ACACA: variants seen among roughly 807,000 people sequenced by gnomAD.
ACACA encodes the protein acetyl-CoA carboxylase alpha.
ACACA carries 103 observed loss-of-function variants against 296.1 expected under a neutral mutation model. The ratio of observed to expected loss-of-function variants is 0.35; its 90% CI spans 0.30 to 0.41. The LOEUF is 0.41. ACACA is among the 10% of genes least tolerant of loss of function. ACACA has a pLI of 1.00. For synonymous variants in ACACA, 953 were observed against 1,038.6 expected (o/e 0.92, Z 1.58); for missense variants, 1,554 against 2,989.7 (o/e 0.52, Z 11.20).
At position 37,239,679 on chromosome 17, in the gene ACACA, TTGAC is replaced by T. The variant is rs148260288; in HGVS notation, c.3121+793_3121+796del. Among the ~76,000 whole-genome samples, 1,479 of 152,302 alleles carry T rather than the reference TTGAC, an allele frequency of 9.7e-3. 20 individuals carry two copies. Among genetic ancestry groups the T allele is most frequent in the African/African-American group, 0.034 (1,407 of 41,564 alleles). On this transcript the variant is annotated intron_variant, in intron 24 of 55. Transcript: ENST00000616317. The stretch of plus-strand genomic sequence containing the variant: ...TCTATTTCATGATAAATTATATTAA[TTGAC>T]TTTCTCCAAACTGATCAACCTTGAA...
intron 25 of ACACA, among the ~76,000 whole-genome samples, chr17:37,231,523 T>A (rs2079859145): frequency 6.6e-6 from 1 of 152,230 alleles, no homozygotes; most frequent in Non-Finnish European, 1.5e-5. Flanking sequence ...AAGACTTTTC[T>A]TCTTTATTTA....
intron 41 of ACACA, among the ~76,000 whole-genome samples, chr17:37,164,280 G>C (rs925526925): frequency 5.3e-5 from 8 of 152,136 alleles, no homozygotes; most frequent in Non-Finnish European, 1.0e-4. Context: ...AAAGCCACAT[G>C]CATCACCCAG....
At chr17:37,089,397 C>T (rs1291137068) in intron 54 of ACACA, among the ~76,000 whole-genome samples, 1 of 152,196 alleles carries the variant, frequency 6.6e-6, no homozygotes, top group Non-Finnish European at 1.5e-5. Context: ...AATTCAATAA[C>T]CTGACAGGTT....
chr17:37,226,329 A>G lies in ACACA; in HGVS notation c.3360+10T>C, dbSNP rs1314218283. ...ATCCCTCCTTTAAGAAAACCAACAA[A>G]TGTCCTTACCTGGCGTGCTCGAAGT... On this transcript the variant is annotated intron_variant, in intron 26 of 55. Transcript: ENST00000616317. The G allele has an allele frequency of 1.2e-6, 2 of 1,607,018 alleles. No homozygotes were observed. The highest frequency in any genetic ancestry group is 1.7e-6 in the Non-Finnish European group (2 of 1,173,682).
intron 52 of ACACA, among the ~76,000 whole-genome samples, chr17:37,099,469 AT>A (rs2073192226): frequency 2.3e-5 from 3 of 130,226 alleles, no homozygotes; most frequent in Admixed American, 7.7e-5. Flanking sequence ...GGGCTGAGGG[AT>A]GGAGGGCTGA....
intron 1 of ACACA, among the ~76,000 whole-genome samples, chr17:37,384,795 T>C (rs1404118334): frequency 6.6e-6 from 1 of 152,224 alleles, no homozygotes; most frequent in African/African-American, 2.4e-5. Context: ...TCTTCCCCTA[T>C]GATTTCATGT....
intron 10 of ACACA, among the ~76,000 whole-genome samples, chr17:37,264,361 T>C (rs926317600): frequency 5.9e-5 from 9 of 152,218 alleles, no homozygotes; most frequent in African/African-American, 1.2e-4. Flanking sequence ...AATTCTAAAA[T>C]GGTAACTATT....
chr17:37,337,617 C>T (rs985403624), intron 2 of ACACA, among the ~76,000 whole-genome samples: 1 of 151,874 alleles, frequency 6.6e-6, no homozygotes, highest in Non-Finnish European at 1.5e-5. Context: ...CTATGCCTGG[C>T]TACTTTTTGT....
At chr17:37,391,918 T>C (rs1033852043) in intron 1 of ACACA, 1 of 592,936 alleles carries the variant, frequency 1.7e-6, no homozygotes, top group African/African-American at 1.8e-5. Context: ...CACAACCTTC[T>C]GTAATTCACT....
chr17:37,267,648 A>T (rs1208386784), intron 10 of ACACA, among the ~76,000 whole-genome samples: 1 of 151,172 alleles, frequency 6.6e-6, no homozygotes, highest in Non-Finnish European at 1.5e-5. Flanking sequence ...GCAGCCTCAA[A>T]CTCCTGGGCT....
chr17:37,198,789 A>G (rs1598148547), intron 35 of ACACA, among the ~76,000 whole-genome samples: 2 of 152,246 alleles, frequency 1.3e-5, no homozygotes, highest in African/African-American at 2.4e-5. Flanking sequence ...GAAGGAAAAC[A>G]AAATGTCAAG....
intron 51 of ACACA, 31 bp from the exon 52 acceptor site, chr17:37,111,674 G>C: frequency 6.6e-7 from 1 of 1,515,730 alleles, no homozygotes; most frequent in Non-Finnish European, 9.2e-7. Flanking sequence ...AAACAAAACA[G>C]AAATAGAGGC....
intron 52 of ACACA, among the ~76,000 whole-genome samples, chr17:37,099,163 T>C (rs1044774834): frequency 6.6e-6 from 1 of 152,216 alleles, no homozygotes; most frequent in African/African-American, 2.4e-5. Context: ...CTTGGGCTGC[T>C]GACTGAGCCG....
At chr17:37,375,313 T>A (rs1017500082) in intron 1 of ACACA, among the ~76,000 whole-genome samples, 1 of 152,014 alleles carries the variant, frequency 6.6e-6, no homozygotes, top group African/African-American at 2.4e-5. Flanking sequence ...GGTGAAACGC[T>A]GTCTCTACTA....
intron 3 of ACACA, among the ~76,000 whole-genome samples, chr17:37,297,064 T>C (rs2083374451): frequency 6.6e-6 from 1 of 151,984 alleles, no homozygotes; most frequent in Non-Finnish European, 1.5e-5. Flanking sequence ...TATATATCAA[T>C]ATATACTTAT....
intron 35 of ACACA, among the ~76,000 whole-genome samples, chr17:37,196,903 T>C (rs2145190720): frequency 6.6e-6 from 1 of 152,334 alleles, no homozygotes; most frequent in African/African-American, 2.4e-5. Context: ...TATTTTTTCT[T>C]AACAAGTAGA....
At chr17:37,094,572 A>AC (rs67691656) in intron 54 of ACACA, among the ~76,000 whole-genome samples, 2,593 of 114,230 alleles carry the variant, frequency 0.023, 125 homozygotes, top group East Asian at 0.043. Context: ...TTGAAGAACC[A>AC]CCCCCCCCCC....
rs745671037 is a variant in ACACA at position 37,155,776 on chromosome 17, T to C, written c.5354A>G (p.Tyr1785Cys). ...TTGAGGAGTCAGATATAAATACCTG[T>C]ATCCCTGTGAAGCACAAATAGTTTT... ...WVDPEDPYKG[Y>C]RYLYLTPQDY... Residue 1785 changes from tyrosine (Y) to cysteine (C), a missense_variant, in exon 43 of 56, where the codon TAC (tyrosine) becomes TGC (cysteine). This residue lies in a region of ACACA where 553 missense variants were observed against 1,043.6 expected (regional missense o/e 0.53). Coordinates refer to ENST00000616317, the MANE Select transcript of ACACA (RefSeq NM_198834.3). The C allele has an allele frequency of 8.8e-6, 14 of 1,595,824 alleles. No homozygotes were observed. The South Asian group carries it at 1.5e-4, about 18-fold the overall frequency.
At chr17:37,208,748 A>C (rs1207044797) in intron 30 of ACACA, among the ~76,000 whole-genome samples, 2 of 152,218 alleles carry the variant, frequency 1.3e-5, no homozygotes, top group Non-Finnish European at 2.9e-5. Context: ...AGTGTTTCTG[A>C]ATGCTCAATC....
Sources: allele counts gnomAD v4.1 joint callset (sites outside exome capture counted in the v4.1 genomes callset), GRCh38; gene constraint gnomAD v4.1.1; regional missense constraint gnomAD v4.1.1; transcripts MANE v1.5; gene names NCBI Gene and HGNC (gene_info 2026-07-23, HGNC 2026-07-21).